The following CTH variants were observed in gnomAD, a reference collection of about 807,000 sequenced individuals.
CTH encodes cystathionine gamma-lyase.
Under a neutral mutation model 50.6 loss-of-function variants are expected in CTH, and 41 were observed. The ratio of observed to expected loss-of-function variants is 0.81; its 90% confidence interval spans 0.63 to 1.05. CTH has a LOEUF of 1.05. Among genes scored for constraint, CTH ranks in the 50% least tolerant of loss-of-function variants. The probability of loss-of-function intolerance (pLI) is 0.00; values close to 1 mark genes in which losing one functional copy is unlikely to be tolerated. For missense variants in CTH, 470 were observed against 492.6 expected (o/e 0.95, Z 0.43); for synonymous variants, 156 against 168.9 (o/e 0.92, Z 0.59).
intron 8 of CTH, among the ~76,000 whole-genome samples, chr1:70,433,513 G>C (rs1260498522): frequency 2.6e-5 from 4 of 152,178 alleles, no homozygotes; most frequent in African/African-American, 9.7e-5. Context: ...TGGTGGCTAA[G>C]ACAGATACTA....
chr1:70,418,425 T>A (rs1166831544), intron 3 of CTH, among the ~76,000 whole-genome samples: 6 of 152,152 alleles, frequency 3.9e-5, no homozygotes, highest in African/African-American at 1.2e-4. Context: ...AATTTTTGTA[T>A]TTTTTGTAGA....
At position 70,421,452 on chromosome 1, in the gene CTH, A is replaced by C. The variant is rs1684220017; in HGVS notation, c.347-114A>C. The C allele has an allele frequency of 9.9e-6, 11 of 1,112,660 alleles. No homozygotes were observed. In the South Asian group the frequency reaches 1.2e-4, roughly 12 times the overall value. 68.9% of individuals were successfully genotyped at this position (1,112,660 alleles called of 1,614,324 possible). ...CCAAACTAGAATTGCTTTTAGTTGCATTTTCCTTGGTGACTGAGAGTTCCA... is the reference window on the plus strand; with the variant it reads ...CCAAACTAGAATTGCTTTTAGTTGCCTTTTCCTTGGTGACTGAGAGTTCCA... On this transcript the variant is annotated intron_variant, in intron 3 of 11. Transcript: ENST00000370938.
intron 5 of CTH, among the ~76,000 whole-genome samples, chr1:70,427,875 G>A (rs560036430): frequency 4.1e-4 from 62 of 151,928 alleles, no homozygotes; most frequent in Non-Finnish European, 5.4e-4. Context: ...ACCACCCCCC[G>A]CTAATTTTTG....
intron 1 of CTH, 55 bp from the exon 2 acceptor site, chr1:70,415,901 G>T: frequency 2.2e-6 from 2 of 913,038 alleles, no homozygotes; most frequent in South Asian, 2.6e-5. Context: ...TCTATGTTAG[G>T]ACTCTGATAA....
chr1:70,423,858 G>A (rs1014641717), intron 4 of CTH, among the ~76,000 whole-genome samples: 1 of 151,936 alleles, frequency 6.6e-6, no homozygotes, highest in Non-Finnish European at 1.5e-5. Context: ...TATATTTTTG[G>A]CATCATAGGG....
Position 70,413,539 on chromosome 1 carries a change from C to T in CTH, c.168+1956C>T, listed in dbSNP as rs544144161. 2.6e-5 allele frequency among the ~76,000 whole-genome samples: 4 copies of T among 151,962 alleles called. No homozygotes were observed. The South Asian group carries it at 6.2e-4, about 24-fold the overall frequency. ...TTGGCCTCCCAAAGTGCTGGGATTA[C>T]AGGTGTGAGCCACGGCGCCCGGCTC... On this transcript the variant is annotated intron_variant, in intron 1 of 11. Coordinates refer to ENST00000370938, the MANE Select transcript of CTH (RefSeq NM_001902.6).
At chr1:70,425,999 A>G (rs137951284) in intron 5 of CTH, among the ~76,000 whole-genome samples, 343 of 152,188 alleles carry the variant, frequency 2.3e-3, no homozygotes, top group Non-Finnish European at 3.5e-3. Flanking sequence ...TTAGATTTCA[A>G]TCTATGAATT....
intron 5 of CTH, among the ~76,000 whole-genome samples, chr1:70,424,786 G>A (rs1347976253): frequency 6.6e-6 from 1 of 152,134 alleles, no homozygotes; most frequent in Non-Finnish European, 1.5e-5. Context: ...AAAATTAGCT[G>A]GGCGCAGTGG....
chr1:70,424,211 T>C, intron 4 of CTH, 74 bp from the exon 5 acceptor site: 1 of 1,609,014 alleles, frequency 6.2e-7, no homozygotes, highest in Non-Finnish European at 8.5e-7. Context: ...GCTTCCCAGA[T>C]TGTTACAATA....
intron 4 of CTH, 104 bp from the exon 5 acceptor site, chr1:70,424,181 T>C: frequency 6.3e-7 from 1 of 1,591,118 alleles, no homozygotes; most frequent in Non-Finnish European, 8.6e-7. Flanking sequence ...ATCATCCATG[T>C]GTTTCCATTA....
intron 9 of CTH, 137 bp downstream of exon 9, chr1:70,434,086 T>C: frequency 6.8e-7 from 1 of 1,473,862 alleles, no homozygotes; most frequent in Non-Finnish European, 9.1e-7. Context: ...ATGAAATGCA[T>C]TGGGTTGAAA....
chr1:70,426,951 C>A (rs147406804), intron 5 of CTH, among the ~76,000 whole-genome samples: 302 of 152,314 alleles, frequency 2.0e-3, no homozygotes, highest in Middle Eastern at 0.01. Flanking sequence ...ATTACTGTCA[C>A]TAACATAGGT....
chr1:70,418,099 T>TTAA (rs1345953501), intron 3 of CTH, 67 bp downstream of exon 3: 1 of 1,550,324 alleles, frequency 6.5e-7, no homozygotes, highest in Non-Finnish European at 8.9e-7. Context: ...GAGCCCTGAA[T>TTAA]TAATATTAAC....
At chr1:70,433,198 G>A (rs754790626) in intron 8 of CTH, among the ~76,000 whole-genome samples, 6 of 152,090 alleles carry the variant, frequency 3.9e-5, no homozygotes, top group Non-Finnish European at 8.8e-5. Context: ...ATTAAGACTG[G>A]AATTTCACTA....
At chr1:70,426,760 C>T (rs1362266717) in intron 5 of CTH, among the ~76,000 whole-genome samples, 3 of 152,132 alleles carry the variant, frequency 2.0e-5, no homozygotes. Context: ...AGGTGGTTTT[C>T]AGTGTAAGAT....
chr1:70,433,107 CTT>C (rs1395617671), intron 8 of CTH, among the ~76,000 whole-genome samples: 2 of 152,058 alleles, frequency 1.3e-5, no homozygotes, highest in Non-Finnish European at 1.5e-5. Flanking sequence ...TTTTACCAGT[CTT>C]TTAAGCTGTG....
intron 4 of CTH, 55 bp from the exon 5 acceptor site, chr1:70,424,230 G>T: frequency 6.2e-7 from 1 of 1,612,374 alleles, no homozygotes; most frequent in Non-Finnish European, 8.5e-7. Flanking sequence ...TATATGAGAT[G>T]TATGTTTGTA....
At chr1:70,424,848 G>A (rs1259038936) in intron 5 of CTH, among the ~76,000 whole-genome samples, 1 of 152,076 alleles carries the variant, frequency 6.6e-6, no homozygotes, top group Non-Finnish European at 1.5e-5. Flanking sequence ...AGAATGGCAT[G>A]AACCCGGGAG....
intron 4 of CTH, among the ~76,000 whole-genome samples, chr1:70,421,882 G>A (rs893558724): frequency 6.6e-6 from 1 of 152,136 alleles, no homozygotes; most frequent in African/African-American, 2.4e-5. Flanking sequence ...TTCAAATTGT[G>A]ATTCTGTTAT....
Sources: allele counts gnomAD v4.1 joint callset (sites outside exome capture counted in the v4.1 genomes callset), GRCh38; gene constraint gnomAD v4.1.1; transcripts MANE v1.5; gene names NCBI Gene and HGNC (gene_info 2026-07-23, HGNC 2026-07-21).